The following RAB4A variants were observed in gnomAD, a reference collection of about 807,000 sequenced individuals.
RAB4A encodes the protein ras-related protein Rab-4A.
In RAB4A, 20 loss-of-function variants were observed where a neutral mutation model predicts 34.5. That is an observed-to-expected ratio of 0.58 (90% CI 0.41 to 0.84). The LOEUF is 0.84. Ranked by LOEUF, RAB4A falls within the 40% of genes least tolerant of loss-of-function variation. The pLI is 0.00. For missense variants in RAB4A, 228 were observed against 274.5 expected, an observed-to-expected ratio of 0.83 and a Z score of 1.20; for synonymous variants, 102 against 100.0, an observed-to-expected ratio of 1.02 and a Z score of -0.12.
At chr1:229,294,692 T>C (rs1657189721) in intron 3 of RAB4A, among the ~76,000 whole-genome samples, 1 of 152,046 alleles carries the variant, frequency 6.6e-6, no homozygotes, top group Non-Finnish European at 1.5e-5. Flanking sequence ...ATACAAAAAT[T>C]AGCCAGGCGT....
intron 1 of RAB4A, among the ~76,000 whole-genome samples, chr1:229,283,097 T>G (rs536922656): frequency 5.3e-5 from 8 of 152,352 alleles, no homozygotes; most frequent in Non-Finnish European, 1.0e-4. Context: ...GACACTACCT[T>G]ATCACTGCCA....
intron 1 of RAB4A, among the ~76,000 whole-genome samples, chr1:229,274,953 T>C (rs1412562722): frequency 6.6e-6 from 1 of 152,240 alleles, no homozygotes; most frequent in Non-Finnish European, 1.5e-5. Flanking sequence ...TGTTTTTATT[T>C]TGTGCTTCAT....
intron 3 of RAB4A, among the ~76,000 whole-genome samples, chr1:229,294,044 G>C (rs897189342): frequency 1.3e-5 from 2 of 152,186 alleles, no homozygotes; most frequent in African/African-American, 4.8e-5. Context: ...TAGGCTGGCG[G>C]AGTGAATGTG....
intron 1 of RAB4A, 74 bp downstream of exon 1, chr1:229,271,444 C>G: frequency 8.8e-7 from 1 of 1,139,420 alleles, no homozygotes; most frequent in East Asian, 4.0e-5. Context: ...CGGGCCTGGG[C>G]TGCGGGGGTC....
At chr1:229,286,710 G>C (rs1656932588) in intron 2 of RAB4A, 144 bp downstream of exon 2, 1 of 549,664 alleles carries the variant, frequency 1.8e-6, no homozygotes, top group East Asian at 3.2e-5. Flanking sequence ...ATTGAACTTT[G>C]GGTGATGTGA....
chr1:229,292,706 T>G (rs529225048), intron 3 of RAB4A, among the ~76,000 whole-genome samples: 1 of 152,282 alleles, frequency 6.6e-6, no homozygotes, highest in African/African-American at 2.4e-5. Flanking sequence ...AAGTAATAAT[T>G]AGTAATTTTG....
chr1:229,301,351 A>G (rs1657381301), intron 6 of RAB4A, among the ~76,000 whole-genome samples: 1 of 152,006 alleles, frequency 6.6e-6, no homozygotes, highest in Non-Finnish European at 1.5e-5. Flanking sequence ...GTGAAGTAGG[A>G]GGGAGGAGAG....
At chr1:229,285,191 T>C (rs1656890983) in intron 1 of RAB4A, among the ~76,000 whole-genome samples, 1 of 152,084 alleles carries the variant, frequency 6.6e-6, no homozygotes, top group South Asian at 2.1e-4. Flanking sequence ...TTTATTTTTT[T>C]TAGGAACAGA....
chr1:229,286,427 A>G (rs1166262828), intron 1 of RAB4A, 59 bp from the exon 2 acceptor site: 4 of 1,031,648 alleles, frequency 3.9e-6, no homozygotes, highest in Non-Finnish European at 4.3e-6. Flanking sequence ...ATCGTGATCT[A>G]AGAAGAAATT....
At chr1:229,296,320 C>T (rs1657249783) in intron 4 of RAB4A, among the ~76,000 whole-genome samples, 1 of 152,194 alleles carries the variant, frequency 6.6e-6, no homozygotes, top group South Asian at 2.1e-4. Context: ...AGCTGATTGA[C>T]CCTCTCAGGC....
chr1:229,286,007 G>A (rs1656913901), intron 1 of RAB4A, among the ~76,000 whole-genome samples: 1 of 152,198 alleles, frequency 6.6e-6, no homozygotes, highest in African/African-American at 2.4e-5. Flanking sequence ...AAAGAAGCAA[G>A]ACCACGTAAA....
intron 1 of RAB4A, among the ~76,000 whole-genome samples, chr1:229,277,064 A>G (rs1049436117): frequency 1.4e-5 from 2 of 146,704 alleles, no homozygotes; most frequent in Non-Finnish European, 1.5e-5. Flanking sequence ...TTTATAATTT[A>G]TATATAATTA....
chr1:229,287,830 T>G (rs919995422), intron 2 of RAB4A, among the ~76,000 whole-genome samples: 2 of 152,218 alleles, frequency 1.3e-5, no homozygotes, highest in Non-Finnish European at 2.9e-5. Context: ...GCCAGTGGCA[T>G]CCCTGATCTC....
At chr1:229,274,261 CTG>C (rs1656580818) in intron 1 of RAB4A, among the ~76,000 whole-genome samples, 1 of 149,518 alleles carries the variant, frequency 6.7e-6, no homozygotes, top group Non-Finnish European at 1.5e-5. Flanking sequence ...GACGAGGTCT[CTG>C]TCTGTTGCTC....
intron 1 of RAB4A, among the ~76,000 whole-genome samples, chr1:229,274,802 T>A (rs995943234): frequency 3.9e-5 from 6 of 152,234 alleles, no homozygotes; most frequent in Admixed American, 1.3e-4. Context: ...CTGGGGCAGT[T>A]CGAGAGTGAG....
intron 3 of RAB4A, among the ~76,000 whole-genome samples, chr1:229,295,453 C>T (rs1017557838): frequency 2.6e-5 from 4 of 152,012 alleles, no homozygotes; most frequent in East Asian, 1.9e-4. Flanking sequence ...CGAGAGGTGG[C>T]GAGAACTGGA....
At chr1:229,299,286 G>A (rs889329618) in intron 6 of RAB4A, among the ~76,000 whole-genome samples, 2 of 152,190 alleles carry the variant, frequency 1.3e-5, no homozygotes, top group African/African-American at 4.8e-5. Context: ...TGATGAAAGT[G>A]GATGGGCACA....
rs1337456221 is a variant in RAB4A at position 229,304,981 on chromosome 1, GA to G, written c.*1191del. On this transcript the variant is annotated 3_prime_UTR_variant, in exon 8 of 8. Transcript: ENST00000366690. The stretch of plus-strand genomic sequence containing the variant: ...TTGAAATGCAGTATTATTTAAATCT[GA>G]AAGGTTAAAAAGCTTTCTTCACCTT... The G allele has an allele frequency of 2.4e-6, 2 of 827,590 alleles. No homozygotes were observed. Among genetic ancestry groups the G allele is most frequent in the African/African-American group, 3.6e-5 (2 of 55,756 alleles). 51.3% of individuals were successfully genotyped at this position (827,590 alleles called of 1,614,324 possible). A position where few individuals can be genotyped will look rare whatever the true frequency, so the allele number is the denominator to read the frequency against.
intron 1 of RAB4A, among the ~76,000 whole-genome samples, chr1:229,274,083 C>T (rs1268286511): frequency 1.4e-5 from 2 of 139,958 alleles, no homozygotes; most frequent in Admixed American, 1.5e-4. Context: ...GACAGGACCT[C>T]GCTCTGTCAC....
Sources: allele counts gnomAD v4.1 joint callset (sites outside exome capture counted in the v4.1 genomes callset), GRCh38; gene constraint gnomAD v4.1.1; transcripts MANE v1.5; gene names NCBI Gene and HGNC (gene_info 2026-07-23, HGNC 2026-07-21).